RYR2: variants seen among roughly 807,000 people sequenced by gnomAD.
RYR2 encodes the protein ryanodine receptor 2, also known as cardiac muscle ryanodine receptor-calcium release channel.
In RYR2, 227 loss-of-function variants were observed where a neutral mutation model predicts 601.1. That is an observed-to-expected ratio of 0.38 (90% CI 0.34 to 0.42). The LOEUF is 0.42. Among genes scored for constraint, RYR2 ranks in the 10% least tolerant of loss-of-function variants. The pLI, the probability that RYR2 is intolerant of heterozygous loss-of-function variation, is 1.00. For missense variants in RYR2, 4,646 were observed against 6,156.5 expected (o/e 0.75, Z 8.21); for synonymous variants, 2,223 against 2,175.1 (o/e 1.02, Z -0.61).
At chr1:237,615,535 A>G (rs1466445083) in intron 37 of RYR2, among the ~76,000 whole-genome samples, 2 of 152,070 alleles carry the variant, frequency 1.3e-5, no homozygotes, top group Non-Finnish European at 2.9e-5. Context: ...GGCTGTCTTT[A>G]TGCTCCTCAA....
At chr1:237,549,693 C>T (rs1469492012) in intron 26 of RYR2, among the ~76,000 whole-genome samples, 1 of 146,932 alleles carries the variant, frequency 6.8e-6, no homozygotes, top group Non-Finnish European at 1.5e-5. Context: ...TCCACAGCCT[C>T]CCAATTCCTG....
At chr1:237,083,628 A>G (rs1216987386) in intron 1 of RYR2, among the ~76,000 whole-genome samples, 2 of 152,184 alleles carry the variant, frequency 1.3e-5, no homozygotes, top group African/African-American at 4.8e-5. Context: ...ATAGTGGGCT[A>G]TTTACAAACA....
intron 1 of RYR2, among the ~76,000 whole-genome samples, chr1:237,056,549 A>G (rs1662109344): frequency 7.1e-6 from 1 of 141,018 alleles, no homozygotes; most frequent in South Asian, 2.3e-4. Context: ...TGAGGATTGG[A>G]GCACTGCACC....
chr1:237,473,300 T>C (rs367588460), intron 17 of RYR2, among the ~76,000 whole-genome samples: 2 of 151,958 alleles, frequency 1.3e-5, no homozygotes, highest in Admixed American at 1.3e-4. Context: ...GGCAGGTACC[T>C]GTAATCCCAG....
intron 4 of RYR2, among the ~76,000 whole-genome samples, chr1:237,358,351 G>A (rs2149702290): frequency 6.6e-6 from 1 of 152,158 alleles, no homozygotes; most frequent in South Asian, 2.1e-4. Context: ...TGCCCCGCCG[G>A]GTTCCTCACG....
intron 60 of RYR2, among the ~76,000 whole-genome samples, chr1:237,676,065 TA>T (rs767141165): frequency 6.6e-6 from 1 of 151,998 alleles, no homozygotes; most frequent in South Asian, 2.1e-4. Flanking sequence ...AAAAATGAGG[TA>T]GGGGTGAATT....
At position 237,797,964 on chromosome 1, in the gene RYR2, T is replaced by A. The variant is rs184844235; in HGVS notation, c.13957-73T>A. The A allele has an allele frequency of 3.8e-5, 49 of 1,277,694 alleles. No homozygotes were observed. In the Middle Eastern group the frequency reaches 7.4e-4, roughly 19 times the overall value. 79.1% of individuals were successfully genotyped at this position (1,277,694 alleles called of 1,614,324 possible). ...TACAGTAAGTATAAAAATAATTAGA[T>A]GTTTTATACACACATATAGATGATG... On this transcript the variant is annotated intron_variant, in intron 96 of 104. Transcript: ENST00000366574.
intron 89 of RYR2, among the ~76,000 whole-genome samples, chr1:237,782,026 C>T (rs1451013593): frequency 6.6e-6 from 1 of 152,024 alleles, no homozygotes; most frequent in African/African-American, 2.4e-5. Flanking sequence ...TTGAAAAGAC[C>T]ACAGAGTCAC....
intron 17 of RYR2, among the ~76,000 whole-genome samples, chr1:237,480,868 ATTTTTATTTAT>A (rs1447921043): frequency 6.6e-6 from 1 of 151,632 alleles, no homozygotes; most frequent in Non-Finnish European, 1.5e-5. Context: ...ACTAACTTCC[ATTTTTATTTAT>A]TTTTCTCTCC....
intron 24 of RYR2, among the ~76,000 whole-genome samples, chr1:237,527,522 T>C (rs1261019906): frequency 1.3e-5 from 2 of 152,164 alleles, no homozygotes; most frequent in African/African-American, 4.8e-5. Context: ...GGTCAGATCT[T>C]AATACTCCAG....
chr1:237,170,548 TA>T (rs1242956277), intron 1 of RYR2, among the ~76,000 whole-genome samples: 2 of 152,182 alleles, frequency 1.3e-5, no homozygotes, highest in African/African-American at 2.4e-5. Flanking sequence ...CTTTGTAGCT[TA>T]AAAAAAGTAT....
intron 93 of RYR2, 33 bp downstream of exon 93, chr1:237,791,548 T>A: frequency 4.8e-6 from 5 of 1,047,476 alleles, no homozygotes; most frequent in Non-Finnish European, 7.3e-6. Flanking sequence ...ATTACTGGTA[T>A]AAAACTCCAA....
At chr1:237,658,495 A>T (rs1260793745) in intron 54 of RYR2, among the ~76,000 whole-genome samples, 1 of 152,170 alleles carries the variant, frequency 6.6e-6, no homozygotes, top group Non-Finnish European at 1.5e-5. Context: ...GGGCTCGAGC[A>T]ATCCTCCTGC....
chr1:237,105,634 C>A (rs1572649114), intron 1 of RYR2, among the ~76,000 whole-genome samples: 1 of 151,942 alleles, frequency 6.6e-6, no homozygotes, highest in African/African-American at 2.4e-5. Context: ...GAGATCGAGA[C>A]CAGCCTGGTC....
chr1:237,218,472 G>A (rs1683425940), intron 1 of RYR2, among the ~76,000 whole-genome samples: 1 of 152,176 alleles, frequency 6.6e-6, no homozygotes, highest in Admixed American at 6.5e-5. Flanking sequence ...TGCAGGCTAG[G>A]AGAGGTTGGA....
At chr1:237,687,665 T>C (rs1206059476) in intron 63 of RYR2, among the ~76,000 whole-genome samples, 161 bp downstream of exon 63, 1 of 152,180 alleles carries the variant, frequency 6.6e-6, no homozygotes, top group Non-Finnish European at 1.5e-5. Flanking sequence ...TGTTCATAAA[T>C]AGCATTATGT....
chr1:237,159,564 C>A (rs1186677766), intron 1 of RYR2, among the ~76,000 whole-genome samples: 3 of 150,558 alleles, frequency 2.0e-5, no homozygotes, highest in Non-Finnish European at 3.0e-5. Flanking sequence ...AGATTACGGG[C>A]TCATGCCTGT....
At chr1:237,755,546 A>G (rs1005443550) in intron 80 of RYR2, among the ~76,000 whole-genome samples, 1 of 152,214 alleles carries the variant, frequency 6.6e-6, no homozygotes, top group Non-Finnish European at 1.5e-5. Context: ...GGATTGCTCA[A>G]GTGAATGGTC....
chr1:237,806,206 G>T lies in RYR2; in HGVS notation c.14221G>T (p.Ala4741Ser). The T allele has an allele frequency of 1.2e-6, 2 of 1,611,412 alleles. No individual in the cohort carries two copies. The highest frequency in any genetic ancestry group is 2.2e-5 in the South Asian group (2 of 91,028). The change falls in exon 99 of 105, where the codon GCT becomes TCT. Residue 4741 changes from alanine to serine, a missense_variant. By Grantham distance (99) the Ala-to-Ser change is moderately conservative (BLOSUM62 1). This residue lies in a region of RYR2 where 76 missense variants were observed against 97.4 expected (regional missense o/e 0.78). Coordinates refer to ENST00000366574, the MANE Select transcript of RYR2 (RefSeq NM_001035.3). ...LGHYNNFFFA[A>S]HLLDIAMGFK... The stretch of plus-strand genomic sequence containing the variant: ...ACACTATAACAACTTTTTTTTTGCC[G>T]CTCACCTTCTCGACATTGCTATGGG...
Sources: gnomAD v4.1 joint callset for allele counts (sites outside exome capture counted in the v4.1 genomes callset) on GRCh38, gnomAD v4.1.1 for gene constraint, gnomAD v4.1.1 regional missense constraint, MANE v1.5 for transcripts, NCBI Gene and HGNC (gene_info 2026-07-23, HGNC 2026-07-21) for gene names.